The following CCDC141 variants were observed in gnomAD, a reference collection of about 807,000 sequenced individuals.
The protein encoded by CCDC141 is coiled-coil domain containing 141, also known as coiled-coil domain-containing protein 141.
A neutral mutation model predicts 181.0 loss-of-function variants in CCDC141; 168 were observed. The ratio of observed to expected loss-of-function variants is 0.93; its 90% confidence interval spans 0.82 to 1.05. The LOEUF (loss-of-function observed/expected upper bound fraction) is 1.05. Ranked by LOEUF, CCDC141 falls within the 50% of genes least tolerant of loss-of-function variation. CCDC141 has a pLI of 0.00. For missense variants in CCDC141, 1,902 were observed against 1,788.5 expected (o/e 1.06, Z -1.14); for synonymous variants, 666 against 642.3 (o/e 1.04, Z -0.56).
intron 15 of CCDC141, 114 bp downstream of exon 15, chr2:178,869,003 G>A (rs1685986247): frequency 1.5e-6 from 1 of 680,894 alleles, no homozygotes; most frequent in East Asian, 3.2e-5. Context: ...GCCAGATTGT[G>A]TAAACTTCTG....
At position 178,888,531 on chromosome 2, in the gene CCDC141, C is replaced by T. The variant is rs200945929; in HGVS notation, c.1403G>A (p.Arg468Gln). 90 of 1,550,070 alleles carry T rather than the reference C, an allele frequency of 5.8e-5. No individual in the cohort carries two copies. Among genetic ancestry groups the T allele is most frequent in the Admixed American group, 3.1e-4 (16 of 50,986 alleles). The change falls in exon 9 of 24, where the codon CGG (arginine) becomes CAG (glutamine). Residue 468 changes from arginine (R) to glutamine (Q), a missense_variant. Coordinates refer to ENST00000443758, the MANE Select transcript of CCDC141 (RefSeq NM_173648.4). ...QLTASVEGYL[R>Q]KVEMSIQKIS... ...AGTTTTAGTTTACGAAACTACCTTC[C>T]GTAGGTAACCCTCCACTGAGGCTGT...
At chr2:179,042,119 T>G (rs564036972) in intron 2 of CCDC141, among the ~76,000 whole-genome samples, 1 of 152,326 alleles carries the variant, frequency 6.6e-6, no homozygotes, top group Admixed American at 6.5e-5. Flanking sequence ...ACATACATTA[T>G]TCTCATTGCC....
At chr2:179,031,425 A>G (rs535943028) in intron 2 of CCDC141, among the ~76,000 whole-genome samples, 15 of 152,042 alleles carry the variant, frequency 9.9e-5, no homozygotes, top group Admixed American at 3.9e-4. Context: ...AAGCATTTCA[A>G]AAAACCAGCT....
At chr2:179,046,690 C>A (rs1354385) in intron 2 of CCDC141, among the ~76,000 whole-genome samples, 7 of 152,168 alleles carry the variant, frequency 4.6e-5, no homozygotes, top group South Asian at 2.1e-4. Context: ...TTGTATTTGC[C>A]CTGGGTCCCA....
At chr2:178,849,013 G>C (rs1051153922) in intron 21 of CCDC141, among the ~76,000 whole-genome samples, 1 of 151,848 alleles carries the variant, frequency 6.6e-6, no homozygotes, top group Non-Finnish European at 1.5e-5. Flanking sequence ...TATTTAAAAT[G>C]GTAAAATGGT....
At chr2:178,878,240 T>G (rs941161054) in intron 11 of CCDC141, 97 bp from the exon 12 acceptor site, 2 of 509,058 alleles carry the variant, frequency 3.9e-6, no homozygotes, top group African/African-American at 4.0e-5. Flanking sequence ...AACCTAAAAC[T>G]ACATTTTCTG....
intron 2 of CCDC141, among the ~76,000 whole-genome samples, chr2:179,026,363 G>C (rs2042843733): frequency 6.6e-6 from 1 of 152,190 alleles, no homozygotes; most frequent in Non-Finnish European, 1.5e-5. Flanking sequence ...CCAACATAGA[G>C]CTCAGGCCAT....
At position 179,011,648 on chromosome 2, in the gene CCDC141, T is replaced by C. The variant is rs543795530; in HGVS notation, c.226-32973A>G. ...ACTTAGCAGATATATACAGAACATT[T>C]CATCCAACAACCACAGAATACACAT... On this transcript the variant is annotated intron_variant, in intron 2 of 23. Coordinates refer to ENST00000443758, the MANE Select transcript of CCDC141 (RefSeq NM_173648.4). 7.2e-5 allele frequency among the ~76,000 whole-genome samples: 11 copies of C among 152,240 alleles called. No homozygotes were observed. The South Asian group carries it at 2.3e-3, about 32-fold the overall frequency.
rs780183659 is a variant in CCDC141, at chr2:178,837,356, T to C, written c.3863A>G (p.Glu1288Gly). 1.9e-5 allele frequency: 30 copies of C among 1,614,098 alleles called. No homozygotes were observed. Among genetic ancestry groups the C allele is most frequent in the Non-Finnish European group, 2.5e-5 (30 of 1,179,970 alleles). ...AGCTTTGAACTGGAGGTAAGGCCTC[T>C]CAAAATGACTTGAAAATGTTTCTCT... ...DKRETFSSHFERPYLQFKAEP... is the reference protein window; with the variant it reads ...DKRETFSSHFGRPYLQFKAEP... The change falls in exon 23 of 24, where the codon GAG (glutamate) becomes GGG (glycine). Residue 1288 changes from glutamate to glycine, a missense_variant. Coordinates refer to ENST00000443758, the MANE Select transcript of CCDC141 (RefSeq NM_173648.4).
intron 1 of CCDC141, among the ~76,000 whole-genome samples, chr2:179,048,087 T>C (rs1428420192): frequency 6.6e-6 from 1 of 152,228 alleles, no homozygotes; most frequent in Non-Finnish European, 1.5e-5. Flanking sequence ...TGCTCTAAGA[T>C]ATAATTTGTC....
At chr2:178,869,599 C>T (rs1403458497) in intron 14 of CCDC141, among the ~76,000 whole-genome samples, 2 of 152,140 alleles carry the variant, frequency 1.3e-5, no homozygotes, top group Non-Finnish European at 1.5e-5. Flanking sequence ...ATATTCTATT[C>T]ATCTGTTAAG....
At chr2:178,963,746 A>G (rs957897269) in intron 4 of CCDC141, among the ~76,000 whole-genome samples, 1 of 152,164 alleles carries the variant, frequency 6.6e-6, no homozygotes, top group African/African-American at 2.4e-5. Context: ...AATAATTTGA[A>G]GTAGTTTATT....
At chr2:178,872,772 A>G (rs892718468) in intron 12 of CCDC141, among the ~76,000 whole-genome samples, 1 of 152,128 alleles carries the variant, frequency 6.6e-6, no homozygotes, top group Non-Finnish European at 1.5e-5. Context: ...AAACTATTCC[A>G]TTGTATACAT....
intron 12 of CCDC141, chr2:178,874,126 C>T (rs1387434782): frequency 6.6e-6 from 1 of 152,162 alleles, no homozygotes; most frequent in East Asian, 1.9e-4. Flanking sequence ...GCAAACTAGT[C>T]ACCATGATTC....
intron 22 of CCDC141, among the ~76,000 whole-genome samples, chr2:178,842,365 T>C (rs1684762004): frequency 6.6e-6 from 1 of 152,256 alleles, no homozygotes; most frequent in Non-Finnish European, 1.5e-5. Context: ...TCCTTGCCCC[T>C]CAAACATCTT....
chr2:179,035,946 A>G (rs17362909), intron 2 of CCDC141, among the ~76,000 whole-genome samples: 12,247 of 152,272 alleles, frequency 0.08, 526 homozygotes, highest in Admixed American at 0.089. Context: ...GGTCTTTTCA[A>G]AGTTGCCAAA....
In CCDC141 at chr2:179,009,181, A is replaced by G. The variant is rs188307183; in HGVS notation, c.226-30506T>C. Among the ~76,000 whole-genome samples, 4 of 152,210 alleles carry G rather than the reference A, an allele frequency of 2.6e-5. No homozygotes were observed. The East Asian group carries it at 7.7e-4, about 29-fold the overall frequency. On this transcript the variant is annotated intron_variant, in intron 2 of 23. Coordinates refer to ENST00000443758, the MANE Select transcript of CCDC141 (RefSeq NM_173648.4). ...ATCATCTCTGAGGAAGACTTTCTTG[A>G]TTTCCCCCTATACCCTCCTTTTCCT...
chr2:178,907,721 C>T (rs899153273), intron 7 of CCDC141, among the ~76,000 whole-genome samples: 1 of 152,088 alleles, frequency 6.6e-6, no homozygotes, highest in Non-Finnish European at 1.5e-5. Context: ...TAGCCAGGCA[C>T]GGTGGCTCAC....
chr2:179,031,026 C>T (rs2042985707), intron 2 of CCDC141, among the ~76,000 whole-genome samples: 1 of 151,974 alleles, frequency 6.6e-6, no homozygotes, highest in Admixed American at 6.6e-5. Context: ...GGGCCACTAG[C>T]CACCTGAAAA....
Sources: allele counts gnomAD v4.1 joint callset (sites outside exome capture counted in the v4.1 genomes callset), GRCh38; gene constraint gnomAD v4.1.1; transcripts MANE v1.5; gene names NCBI Gene and HGNC (gene_info 2026-07-23, HGNC 2026-07-21).